HERC1: variants seen among roughly 807,000 people sequenced by gnomAD.
The protein encoded by HERC1 is HECT and RLD domain containing E3 ubiquitin protein ligase family member 1.
A neutral mutation model predicts 554.3 loss-of-function variants in HERC1; 160 were observed. The observed-to-expected ratio is 0.29, with a 90% confidence interval of 0.25 to 0.33. The LOEUF (loss-of-function observed/expected upper bound fraction) is 0.33. Ranked by LOEUF, HERC1 falls within the 10% of genes least tolerant of loss-of-function variation. The pLI is 1.00. For synonymous variants in HERC1, 2,175 were observed against 2,131.7 expected (o/e 1.02, Z -0.56); for missense variants, 4,919 against 5,918.5 (o/e 0.83, Z 5.54).
At chr15:63,625,707 A>AG (rs1338988882) in intron 71 of HERC1, among the ~76,000 whole-genome samples, 32 of 151,788 alleles carry the variant, frequency 2.1e-4, no homozygotes, top group Admixed American at 9.9e-4. Flanking sequence ...AAAAAAAAAA[A>AG]AAAGAAAGAA....
chr15:63,673,959 A>G (rs2071067251), intron 38 of HERC1, among the ~76,000 whole-genome samples: 1 of 152,202 alleles, frequency 6.6e-6, no homozygotes, highest in Admixed American at 6.5e-5. Context: ...TCCTGGCCTC[A>G]AGTGATCTGC....
rs377404008 is a variant in HERC1 at position 63,755,338 on chromosome 15, C to A, written c.1534-13G>T. ...CACAAACAACTACCTGCATTGCACA[C>A]AAGTAAATACGATGAGTATGCACAT... On this transcript the variant is annotated splice_polypyrimidine_tract_variant and intron_variant, in intron 5 of 77. Coordinates refer to ENST00000443617, the MANE Select transcript of HERC1 (RefSeq NM_003922.4). 3 of 1,587,890 alleles carry A rather than the reference C, an allele frequency of 1.9e-6. No homozygotes were observed. In the East Asian group the frequency reaches 6.7e-5, roughly 35 times the overall value.
chr15:63,728,943 A>AAT (rs1343167059), intron 16 of HERC1, among the ~76,000 whole-genome samples: 1 of 142,226 alleles, frequency 7.0e-6, no homozygotes, highest in African/African-American at 2.5e-5. Context: ...AGGTTTTAAA[A>AAT]AAAAAAAAAA....
At chr15:63,826,797 A>AT (rs1567168115) in intron 1 of HERC1, among the ~76,000 whole-genome samples, 11 of 71,426 alleles carry the variant, frequency 1.5e-4, no homozygotes, top group African/African-American at 5.7e-4. Flanking sequence ...AAAAAAAAAA[A>AT]AAAAAAAAAA....
intron 69 of HERC1, among the ~76,000 whole-genome samples, chr15:63,629,844 GAGCTAAAA>G (rs1349805466): frequency 6.6e-6 from 1 of 152,092 alleles, no homozygotes. Context: ...TCTGCATGTG[GAGCTAAAA>G]GTCACCGTCA....
chr15:63,645,005 T>C lies in HERC1; in HGVS notation c.11171A>G (p.Glu3724Gly). ...VTSAEGWWEQ[E>G]SNCQDGYRKS... is the part of the protein sequence containing the mutation. ...CCAGAATGTTACCTGGCAATTTGAT[T>C]CCTGCTCCCACCATCCTTCTGCACT... Residue 3724 changes from glutamate to glycine, a missense_variant, in exon 57 of 78, where the codon GAA becomes GGA. This residue lies in a region of HERC1 where 1,963 missense variants were observed against 2,228.6 expected (regional missense o/e 0.88). Coordinates refer to ENST00000443617, the MANE Select transcript of HERC1 (RefSeq NM_003922.4). The C allele has an allele frequency of 6.2e-7, 1 of 1,611,434 alleles. No individual in the cohort carries two copies. Among genetic ancestry groups the C allele is most frequent in the Non-Finnish European group, 8.5e-7 (1 of 1,177,580 alleles).
In HERC1 at chr15:63,808,286, G is replaced by A. The variant is rs140509325; in HGVS notation, c.-27+25541C>T. ...GTGGTTTCTTTTTTAGAACATCAAC[G>A]TACTTTTTCTTTCCTCAAAGAAACA... On this transcript the variant is annotated intron_variant, in intron 1 of 77. Coordinates refer to ENST00000443617, the MANE Select transcript of HERC1 (RefSeq NM_003922.4). 1.9e-3 allele frequency among the ~76,000 whole-genome samples: 286 copies of A among 152,212 alleles called. 1 individual carries two copies. Among genetic ancestry groups the A allele is most frequent in the African/African-American group, 6.3e-3 (262 of 41,516 alleles).
rs373601092 is a variant in HERC1, at chr15:63,764,220, G to T, written c.931-29C>A. 6 of 1,466,000 alleles carry T rather than the reference G, an allele frequency of 4.1e-6. No individual in the cohort carries two copies. The East Asian group carries it at 6.9e-5, about 17-fold the overall frequency. The allele number at this position is 1,466,000 out of a possible 1,614,324, so 90.8% of individuals were successfully genotyped here. A position where few individuals can be genotyped will look rare whatever the true frequency, so the allele number is the denominator to read the frequency against. On this transcript the variant is annotated intron_variant, in intron 2 of 77. Coordinates refer to ENST00000443617, the MANE Select transcript of HERC1 (RefSeq NM_003922.4). ...TAATTAAAACATTGCGGGACACAGCGTAGGAAGGGGAGAGACATATGCATT... is the reference window on the plus strand; with the variant it reads ...TAATTAAAACATTGCGGGACACAGCTTAGGAAGGGGAGAGACATATGCATT...
intron 1 of HERC1, among the ~76,000 whole-genome samples, chr15:63,780,771 A>G (rs2076265799): frequency 6.6e-6 from 1 of 152,174 alleles, no homozygotes; most frequent in Non-Finnish European, 1.5e-5. Flanking sequence ...AAGACCGAGC[A>G]CAGCTACTAC....
Position 63,725,446 on chromosome 15 carries a change from A to G in HERC1, c.3414T>C (p.Leu1138=), listed in dbSNP as rs1274707283. 1 of 1,613,772 alleles carries G rather than the reference A, an allele frequency of 6.2e-7. No homozygotes were observed. Among genetic ancestry groups the G allele is most frequent in the African/African-American group, 1.3e-5 (1 of 74,906 alleles). Residue 1138 remains leucine, a synonymous_variant, in exon 18 of 78, where the codon CTT becomes CTC. Transcript: ENST00000443617. ...GAGCAATTGTTCTTTCTAGATCCACAAGCCATACCCAGGACTGAGCTGGCT... is the reference window on the plus strand; with the variant it reads ...GAGCAATTGTTCTTTCTAGATCCACGAGCCATACCCAGGACTGAGCTGGCT... The part of the protein sequence containing the change: ...LPQPAQSWVW[L]VDLERTIALL...
chr15:63,699,587 A>G (rs1035413050), intron 25 of HERC1, among the ~76,000 whole-genome samples: 1 of 152,240 alleles, frequency 6.6e-6, no homozygotes, highest in Non-Finnish European at 1.5e-5. Context: ...TGACTGTGTC[A>G]TGTGCATATT....
chr15:63,685,146 G>C (rs2071682327), intron 34 of HERC1, among the ~76,000 whole-genome samples: 1 of 152,240 alleles, frequency 6.6e-6, no homozygotes, highest in Non-Finnish European at 1.5e-5. Flanking sequence ...TCCAGCTCCT[G>C]CAGTTTCCAC....
intron 3 of HERC1, among the ~76,000 whole-genome samples, chr15:63,761,348 G>C (rs1275296148): frequency 6.6e-6 from 1 of 152,146 alleles, no homozygotes; most frequent in Non-Finnish European, 1.5e-5. Context: ...GGGAGCCCGA[G>C]GTAGAAGGAT....
At chr15:63,631,687 C>T (rs1361470440) in intron 68 of HERC1, among the ~76,000 whole-genome samples, 1 of 152,174 alleles carries the variant, frequency 6.6e-6, no homozygotes, top group Non-Finnish European at 1.5e-5. Context: ...ATTACAGGCG[C>T]CTGCCACCAC....
chr15:63,739,257 G>C (rs1310510404), intron 12 of HERC1, among the ~76,000 whole-genome samples: 1 of 144,880 alleles, frequency 6.9e-6, no homozygotes, highest in Non-Finnish European at 1.5e-5. Flanking sequence ...GAGTGCAGTG[G>C]CGTGATCTCA....
intron 39 of HERC1, among the ~76,000 whole-genome samples, chr15:63,670,573 G>A (rs1381046510): frequency 6.6e-6 from 1 of 152,188 alleles, no homozygotes; most frequent in Non-Finnish European, 1.5e-5. Context: ...GCAGGAAAAT[G>A]AAGACAGAAG....
At chr15:63,821,557 A>T (rs960480532) in intron 1 of HERC1, among the ~76,000 whole-genome samples, 17 of 147,626 alleles carry the variant, frequency 1.2e-4, no homozygotes, top group Non-Finnish European at 2.1e-4. Flanking sequence ...TCTGTCTCAA[A>T]AAAAAAAAAA....
At chr15:63,825,106 C>T (rs533724773) in intron 1 of HERC1, among the ~76,000 whole-genome samples, 2 of 152,016 alleles carry the variant, frequency 1.3e-5, no homozygotes, top group African/African-American at 4.8e-5. Flanking sequence ...GCCGGGAGTT[C>T]GAGAGCAGTC....
intron 34 of HERC1, 75 bp downstream of exon 34, chr15:63,686,283 AC>A: frequency 5.6e-6 from 6 of 1,076,278 alleles, no homozygotes; most frequent in Non-Finnish European, 8.0e-6. Flanking sequence ...CAGTCTTTCT[AC>A]ACATTTATTA....
Sources: gnomAD v4.1 joint callset for allele counts (sites outside exome capture counted in the v4.1 genomes callset) on GRCh38, gnomAD v4.1.1 for gene constraint, gnomAD v4.1.1 regional missense constraint, MANE v1.5 for transcripts, NCBI Gene and HGNC (gene_info 2026-07-23, HGNC 2026-07-21) for gene names.